Variants in ADAMTSL1 observed in about 807,000 individuals in gnomAD.
The protein encoded by ADAMTSL1 is ADAMTS like 1, also known as ADAMTS-like protein 1.
ADAMTSL1 carries 126 observed loss-of-function variants against 201.8 expected under a neutral mutation model. The observed-to-expected ratio is 0.62, with a 90% CI of 0.54 to 0.72. The LOEUF (loss-of-function observed/expected upper bound fraction) is 0.72, where lower values mean the gene tolerates loss of function less well. Among genes scored for constraint, ADAMTSL1 ranks in the 30% least tolerant of loss-of-function variants. The pLI, the probability that ADAMTSL1 is intolerant of heterozygous loss-of-function variation, is 0.00. For synonymous variants in ADAMTSL1, 1,121 were observed against 903.4 expected (o/e 1.24, Z -4.32); for missense variants, 2,679 against 2,277.8 (o/e 1.18, Z -3.59).
chr9:18,064,585 C>G (rs960241813), intron 1 of ADAMTSL1, among the ~76,000 whole-genome samples: 2 of 152,098 alleles, frequency 1.3e-5, no homozygotes, highest in African/African-American at 4.8e-5. Context: ...AGCAGAACTT[C>G]TCTCTCCTTT....
At chr9:18,776,027 T>G in intron 18 of ADAMTSL1, 131 bp downstream of exon 18, 7 of 1,248,534 alleles carry the variant, frequency 5.6e-6, no homozygotes, top group Non-Finnish European at 7.6e-6. Context: ...CATGGAGGGC[T>G]GCAGGCAGGA....
chr9:18,642,708 T>A (rs1317063623), intron 7 of ADAMTSL1, among the ~76,000 whole-genome samples: 4 of 152,016 alleles, frequency 2.6e-5, no homozygotes, highest in Non-Finnish European at 5.9e-5. Context: ...CCTAGCTTAT[T>A]TCATTTAACA....
chr9:18,780,884 G>T (rs1821352039), intron 19 of ADAMTSL1, among the ~76,000 whole-genome samples: 2 of 151,922 alleles, frequency 1.3e-5, no homozygotes, highest in African/African-American at 4.8e-5. Context: ...AAATTATTTG[G>T]GATTTTTCTT....
intron 3 of ADAMTSL1, among the ~76,000 whole-genome samples, chr9:18,564,172 C>T (rs1261745139): frequency 6.6e-6 from 1 of 152,204 alleles, no homozygotes; most frequent in Non-Finnish European, 1.5e-5. Flanking sequence ...CTGGTCTGCG[C>T]ATTGCAAAGA....
intron 23 of ADAMTSL1, among the ~76,000 whole-genome samples, chr9:18,843,863 T>G (rs530099022): frequency 2.0e-5 from 3 of 147,004 alleles, no homozygotes; most frequent in Admixed American, 6.6e-5. Context: ...ACGTAGTTCT[T>G]GAGCCTTGGC....
intron 1 of ADAMTSL1, among the ~76,000 whole-genome samples, chr9:17,983,944 C>T (rs551732086): frequency 9.9e-5 from 15 of 152,056 alleles, no homozygotes; most frequent in South Asian, 2.1e-4. Flanking sequence ...TTAAAAAATA[C>T]ATTACTTGGT....
At chr9:17,925,419 G>A (rs1414880965) in intron 1 of ADAMTSL1, among the ~76,000 whole-genome samples, 4 of 104,704 alleles carry the variant, frequency 3.8e-5, no homozygotes, top group African/African-American at 1.3e-4. Context: ...TGTTTATTGC[G>A]GCATTATTCA....
chr9:18,162,780 A>T (rs1161106370), intron 1 of ADAMTSL1, among the ~76,000 whole-genome samples: 1 of 152,042 alleles, frequency 6.6e-6, no homozygotes, highest in Non-Finnish European at 1.5e-5. Flanking sequence ...AGTTAAAAAG[A>T]CAATGTGATA....
intron 28 of ADAMTSL1, chr9:18,908,109 T>G: frequency 3.0e-6 from 1 of 329,816 alleles, no homozygotes; most frequent in Non-Finnish European, 5.8e-6. Context: ...GGAGAGGTGA[T>G]CACCTAGGAG....
chr9:18,663,107 T>C (rs1403371875), intron 9 of ADAMTSL1, among the ~76,000 whole-genome samples: 1 of 152,216 alleles, frequency 6.6e-6, no homozygotes, highest in Non-Finnish European at 1.5e-5. Context: ...TTTGAGGTGA[T>C]AAGCAATGCA....
intron 19 of ADAMTSL1, among the ~76,000 whole-genome samples, chr9:18,791,110 A>G (rs549671479): frequency 9.8e-5 from 15 of 152,352 alleles, no homozygotes; most frequent in African/African-American, 3.4e-4. Context: ...TTAATAGAGT[A>G]GACTACTGAA....
At chr9:18,553,940 A>G (rs150825222) in intron 3 of ADAMTSL1, among the ~76,000 whole-genome samples, 2,191 of 151,612 alleles carry the variant, frequency 0.014, 57 homozygotes, top group African/African-American at 0.051. Flanking sequence ...TGTATTTTTA[A>G]TTATTTCTGG....
chr9:18,334,835 GAA>G (rs1202264620), intron 2 of ADAMTSL1, among the ~76,000 whole-genome samples: 1 of 152,146 alleles, frequency 6.6e-6, no homozygotes, highest in Non-Finnish European at 1.5e-5. Flanking sequence ...TTCATCAGAA[GAA>G]AGAGATTTTT....
intron 1 of ADAMTSL1, among the ~76,000 whole-genome samples, chr9:18,044,637 T>C (rs1821580916): frequency 6.6e-6 from 1 of 152,182 alleles, no homozygotes. Context: ...TGGATATAGA[T>C]ACATTTGAGT....
At chr9:18,025,536 A>C (rs1820656060) in intron 1 of ADAMTSL1, among the ~76,000 whole-genome samples, 1 of 151,916 alleles carries the variant, frequency 6.6e-6, no homozygotes, top group South Asian at 2.1e-4. Flanking sequence ...CTATTTTGCT[A>C]ACTTTGTCAA....
chr9:18,666,549 C>T (rs151101476), intron 9 of ADAMTSL1, among the ~76,000 whole-genome samples: 1 of 152,118 alleles, frequency 6.6e-6, no homozygotes, highest in African/African-American at 2.4e-5. Flanking sequence ...GTTCTGTATG[C>T]TTTCCCATGT....
intron 9 of ADAMTSL1, among the ~76,000 whole-genome samples, chr9:18,665,014 C>T (rs1216519114): frequency 6.6e-6 from 1 of 151,970 alleles, no homozygotes; most frequent in Admixed American, 6.6e-5. Flanking sequence ...TAAAAATTAT[C>T]ACAATTTTAA....
At chr9:18,079,631 G>A (rs755812875) in intron 1 of ADAMTSL1, among the ~76,000 whole-genome samples, 4 of 151,244 alleles carry the variant, frequency 2.6e-5, no homozygotes, top group Non-Finnish European at 4.4e-5. Flanking sequence ...GCAGTGAGCC[G>A]AGATCGCACC....
intron 1 of ADAMTSL1, among the ~76,000 whole-genome samples, chr9:18,109,237 A>T (rs2210327): frequency 0.038 from 5,800 of 152,092 alleles, 363 homozygotes; most frequent in East Asian, 0.34. Context: ...TTACACCCTC[A>T]TTTGTGTTCT....
Sources: allele counts gnomAD v4.1 joint callset (sites outside exome capture counted in the v4.1 genomes callset), GRCh38; gene constraint gnomAD v4.1.1; transcripts MANE v1.5; gene names NCBI Gene and HGNC (gene_info 2026-07-23, HGNC 2026-07-21).